The following ST3GAL1 variants were observed in gnomAD, a reference collection of about 807,000 sequenced individuals.
ST3GAL1 encodes ST3 beta-galactoside alpha-2,3-sialyltransferase 1.
A neutral mutation model predicts 34.1 loss-of-function variants in ST3GAL1; 16 were observed. That is an observed-to-expected ratio of 0.47 (90% CI 0.32 to 0.71). The LOEUF is 0.71. Among genes scored for constraint, ST3GAL1 ranks in the 30% least tolerant of loss-of-function variants. The probability of loss-of-function intolerance (pLI) is 0.04; values close to 1 mark genes in which losing one functional copy is unlikely to be tolerated. For missense variants in ST3GAL1, 353 were observed against 447.4 expected, an observed-to-expected ratio of 0.79 and a Z score of 1.90; for synonymous variants, 191 against 184.7, an observed-to-expected ratio of 1.03 and a Z score of -0.28.
intron 2 of ST3GAL1, among the ~76,000 whole-genome samples, chr8:133,521,442 G>C (rs1817806146): frequency 2.0e-5 from 3 of 152,202 alleles, no homozygotes. Flanking sequence ...GGGATTACAG[G>C]CGCCTGCCAC....
chr8:133,530,163 G>A (rs1015083869), intron 2 of ST3GAL1, among the ~76,000 whole-genome samples: 1 of 152,130 alleles, frequency 6.6e-6, no homozygotes, highest in Non-Finnish European at 1.5e-5. Context: ...GTGACATGGT[G>A]GGTCTTGTCC....
intron 2 of ST3GAL1, chr8:133,539,675 T>C (rs75396898): frequency 2.0e-5 from 3 of 152,180 alleles, no homozygotes; most frequent in Non-Finnish European, 4.4e-5. Flanking sequence ...GGCTGGGGAA[T>C]TGCTTGAGCC....
At chr8:133,527,650 A>C (rs1207260386) in intron 2 of ST3GAL1, among the ~76,000 whole-genome samples, 5 of 152,202 alleles carry the variant, frequency 3.3e-5, no homozygotes, top group Admixed American at 3.3e-4. Flanking sequence ...CAACCAAAAT[A>C]GCATTTGGCT....
intron 2 of ST3GAL1, among the ~76,000 whole-genome samples, chr8:133,514,111 G>A (rs1258728700): frequency 6.6e-6 from 1 of 152,048 alleles, no homozygotes; most frequent in African/African-American, 2.4e-5. Context: ...TAGATAAAAG[G>A]CAAATCAATA....
rs1172519181 is a variant in ST3GAL1 at position 133,541,082 on chromosome 8, CAT to C, written c.-429+4690_-429+4691del. Among the ~76,000 whole-genome samples the C allele has an allele frequency of 6.8e-4, 33 of 48,698 alleles. 2 individuals carry two copies. Among genetic ancestry groups the C allele is most frequent in the Admixed American group, 2.0e-3 (10 of 5,104 alleles). The allele number at this position is 48,698 out of a possible 152,430, so 31.9% of individuals were successfully genotyped here. A position where few individuals can be genotyped will look rare whatever the true frequency, so the allele number is the denominator to read the frequency against. ...ATATATATATAGACATATATATAGA[CAT>C]ATATATATAAACATATATATATATA... On this transcript the variant is annotated intron_variant, in intron 2 of 9. Coordinates refer to ENST00000522652, the MANE Select transcript of ST3GAL1 (RefSeq NM_173344.3).
At chr8:133,545,199 C>T (rs1404786155) in intron 2 of ST3GAL1, among the ~76,000 whole-genome samples, 1 of 152,258 alleles carries the variant, frequency 6.6e-6, no homozygotes, top group African/African-American at 2.4e-5. Flanking sequence ...GAGGTTGCAA[C>T]ACCTTTTCTG....
At chr8:133,554,730 C>CT (rs1263832188) in intron 1 of ST3GAL1, among the ~76,000 whole-genome samples, 26,801 of 137,036 alleles carry the variant, frequency 0.2, 3,197 homozygotes, top group African/African-American at 0.31. Context: ...TATTTCTTTT[C>CT]TTTTTTTTTT....
At chr8:133,559,119 G>C (rs1819145833) in intron 1 of ST3GAL1, among the ~76,000 whole-genome samples, 2 of 151,980 alleles carry the variant, frequency 1.3e-5, no homozygotes, top group South Asian at 4.2e-4. Context: ...ATGCTGTTTG[G>C]GGCCTTCATT....
At chr8:133,566,905 G>A (rs886630964) in intron 1 of ST3GAL1, 5 of 152,178 alleles carry the variant, frequency 3.3e-5, no homozygotes, top group Admixed American at 6.5e-5. Context: ...CAGGACCTAA[G>A]GAGGGAAATG....
At chr8:133,538,374 G>A (rs1395132260) in intron 2 of ST3GAL1, among the ~76,000 whole-genome samples, 1 of 152,202 alleles carries the variant, frequency 6.6e-6, no homozygotes, top group Non-Finnish European at 1.5e-5. Context: ...AATTAGCCAG[G>A]TGTGGTGGTG....
At chr8:133,551,567 AAAGAAAG>A (rs1283452355) in intron 1 of ST3GAL1, among the ~76,000 whole-genome samples, 2 of 148,140 alleles carry the variant, frequency 1.4e-5, no homozygotes, top group Non-Finnish European at 3.0e-5. Flanking sequence ...AGAAAGAAAG[AAAGAAAG>A]AAAGAAAGAA....
At chr8:133,505,268 G>A (rs1014110060) in intron 2 of ST3GAL1, among the ~76,000 whole-genome samples, 1 of 152,196 alleles carries the variant, frequency 6.6e-6, no homozygotes, top group Non-Finnish European at 1.5e-5. Flanking sequence ...GGGCTCAGGT[G>A]TGCTTACTCT....
chr8:133,501,523 G>A (rs557916674), intron 2 of ST3GAL1, among the ~76,000 whole-genome samples: 22 of 151,466 alleles, frequency 1.5e-4, no homozygotes, highest in African/African-American at 5.1e-4. Context: ...CGAGGTGGGC[G>A]GATCACTTGA....
At chr8:133,492,671 G>A (rs1816819698) in intron 3 of ST3GAL1, among the ~76,000 whole-genome samples, 1 of 152,162 alleles carries the variant, frequency 6.6e-6, no homozygotes, top group Non-Finnish European at 1.5e-5. Context: ...GTAGTGAGCT[G>A]AGATCGCACC....
chr8:133,464,858 A>T lies in ST3GAL1; in HGVS notation c.603T>A (p.Asn201Lys), dbSNP rs1815668729. 1.9e-6 allele frequency: 3 copies of T among 1,613,938 alleles called. No homozygotes were observed. The highest frequency in any genetic ancestry group is 1.3e-5 in the African/African-American group (1 of 74,888). Residue 201 changes from asparagine to lysine, a missense_variant, in exon 7 of 10, where the codon AAT becomes AAA. Coordinates refer to ENST00000522652, the MANE Select transcript of ST3GAL1 (RefSeq NM_173344.3). ...TGAAGGGCACCAGGATCATGCTGAC[A>T]TTATCTCCCAGCTCCCGGAAGCTCT... ...YPESFRELGD[N>K]VSMILVPFKT... is the part of the protein sequence containing the mutation.
At chr8:133,513,650 C>A (rs989377814) in intron 2 of ST3GAL1, among the ~76,000 whole-genome samples, 1 of 152,110 alleles carries the variant, frequency 6.6e-6, no homozygotes, top group African/African-American at 2.4e-5. Flanking sequence ...AATCCCAATA[C>A]TTTGGGAGGC....
At chr8:133,465,811 G>A in intron 6 of ST3GAL1, 83 bp downstream of exon 6, 3 of 1,490,764 alleles carry the variant, frequency 2.0e-6, no homozygotes, top group Non-Finnish European at 2.7e-6. Flanking sequence ...TTGCCTTCCT[G>A]AGCCTGAGCC....
chr8:133,468,554 T>C (rs1321681427), intron 5 of ST3GAL1, among the ~76,000 whole-genome samples: 4 of 152,204 alleles, frequency 2.6e-5, no homozygotes, highest in Admixed American at 2.6e-4. Flanking sequence ...TTATAGATAA[T>C]GGTGATTGTT....
intron 1 of ST3GAL1, among the ~76,000 whole-genome samples, chr8:133,564,028 A>G (rs935245356): frequency 8.5e-5 from 13 of 152,200 alleles, no homozygotes; most frequent in Non-Finnish European, 2.9e-5. Context: ...CTCTTTTGCA[A>G]CAAATCGCTC....
Sources: gnomAD v4.1 joint callset for allele counts (sites outside exome capture counted in the v4.1 genomes callset) on GRCh38, gnomAD v4.1.1 for gene constraint, MANE v1.5 for transcripts, NCBI Gene and HGNC (gene_info 2026-07-23, HGNC 2026-07-21) for gene names.